Variants in NHS observed in about 807,000 individuals in gnomAD.
The protein encoded by NHS is NHS actin remodeling regulator.
NHS carries 5 observed loss-of-function variants against 72.5 expected under a neutral mutation model. The ratio of observed to expected loss-of-function variants is 0.07; its 90% CI spans 0.04 to 0.14. The LOEUF is 0.14. Among genes scored for constraint, NHS ranks in the 10% least tolerant of loss-of-function variants. The pLI is 1.00. For synonymous variants in NHS, 464 were observed against 547.7 expected (o/e 0.85, Z 2.13); for missense variants, 1,072 against 1,355.7 (o/e 0.79, Z 3.29).
At chrX:17,530,095 A>G (rs140269536) in intron 1 of NHS, among the ~76,000 whole-genome samples, 47 of 110,645 alleles carry the variant, frequency 4.2e-4, no homozygotes, top group African/African-American at 1.5e-3. Context: ...CACTGACTCC[A>G]AGTTGAAGCT....
intron 1 of NHS, among the ~76,000 whole-genome samples, chrX:17,378,477 T>C (rs2064357938): frequency 8.9e-6 from 1 of 112,248 alleles, no homozygotes; most frequent in Non-Finnish European, 1.9e-5. Context: ...TTGTTTTTGT[T>C]TGATGTCATA....
At chrX:17,410,656 CT>C (rs1213498492) in intron 1 of NHS, among the ~76,000 whole-genome samples, 1 of 108,611 alleles carries the variant, frequency 9.2e-6, no homozygotes, top group Non-Finnish European at 1.9e-5. Context: ...AAATGGCTGC[CT>C]TTGTTTAAAT....
intron 1 of NHS, among the ~76,000 whole-genome samples, chrX:17,657,983 C>T (rs1446923846): frequency 2.7e-5 from 3 of 112,649 alleles, no homozygotes; most frequent in Non-Finnish European, 3.8e-5. Context: ...TCTTCCTGGT[C>T]AGCAGGAGGG....
chrX:17,462,146 A>G (rs958931508), intron 1 of NHS, among the ~76,000 whole-genome samples: 1 of 111,626 alleles, frequency 9.0e-6, no homozygotes, highest in African/African-American at 3.3e-5. Flanking sequence ...ATTATCCACC[A>G]AGTTAGAGAG....
chrX:17,435,429 C>T (rs1017285654), intron 1 of NHS, among the ~76,000 whole-genome samples: 1 of 111,498 alleles, frequency 9.0e-6, no homozygotes, highest in Non-Finnish European at 1.9e-5. Context: ...GAAGCCACTT[C>T]CCAGGCACTC....
At chrX:17,709,374 T>A (rs755781243) in intron 3 of NHS, among the ~76,000 whole-genome samples, 31 of 111,349 alleles carry the variant, frequency 2.8e-4, no homozygotes, top group Non-Finnish European at 4.9e-4. Flanking sequence ...ATCATTGTCA[T>A]CTTGACACCC....
At chrX:17,712,270 TATATATATATATATATATATACAC>T (rs1207833225) in intron 3 of NHS, among the ~76,000 whole-genome samples, 1 of 78,772 alleles carries the variant, frequency 1.3e-5, no homozygotes, top group East Asian at 4.5e-4. Flanking sequence ...TATATATATA[TATATATATATATATATATATACAC>T]ACACACACAC....
At chrX:17,530,513 C>T (rs754573370) in intron 1 of NHS, among the ~76,000 whole-genome samples, 57 of 111,370 alleles carry the variant, frequency 5.1e-4, no homozygotes, top group Non-Finnish European at 9.0e-4. Context: ...CTAGCAGTAT[C>T]GTCTCCCCTG....
chrX:17,638,697 C>T (rs1186474070), intron 1 of NHS, among the ~76,000 whole-genome samples: 2 of 112,002 alleles, frequency 1.8e-5, no homozygotes, highest in Non-Finnish European at 3.8e-5. Context: ...ATTCTTTAAA[C>T]GATGATGAAA....
At chrX:17,419,038 A>G (rs907423062) in intron 1 of NHS, among the ~76,000 whole-genome samples, 1 of 112,584 alleles carries the variant, frequency 8.9e-6, no homozygotes, top group Admixed American at 9.4e-5. Context: ...TCTGCTGTAG[A>G]TATTCTTGTC....
intron 1 of NHS, among the ~76,000 whole-genome samples, chrX:17,447,218 G>T (rs758189085): frequency 8.9e-6 from 1 of 111,805 alleles, no homozygotes. Context: ...GCTAAGGGGT[G>T]ATGTTTCACT....
chrX:17,385,857 C>T (rs780182313), intron 1 of NHS, among the ~76,000 whole-genome samples: 2 of 112,013 alleles, frequency 1.8e-5, no homozygotes, highest in South Asian at 7.5e-4. Context: ...GTGAAATTAA[C>T]CAAGAATAAA....
At chrX:17,529,830 T>G (rs1419096946) in intron 1 of NHS, among the ~76,000 whole-genome samples, 1 of 111,215 alleles carries the variant, frequency 9.0e-6, no homozygotes, top group African/African-American at 3.3e-5. Context: ...TAGAAGGAGA[T>G]TTCGTGTTTA....
chrX:17,543,646 T>C (rs2065275805), intron 1 of NHS, among the ~76,000 whole-genome samples: 1 of 112,025 alleles, frequency 8.9e-6, no homozygotes, highest in African/African-American at 3.3e-5. Flanking sequence ...TTGTTTTTTT[T>C]GTTTTGTTTT....
At chrX:17,433,178 C>T (rs1176316006) in intron 1 of NHS, among the ~76,000 whole-genome samples, 3 of 104,357 alleles carry the variant, frequency 2.9e-5, no homozygotes, top group Non-Finnish European at 3.9e-5. Context: ...TACAGGCGCC[C>T]GCCACCACGC....
chrX:17,488,064 C>A (rs974784477), intron 1 of NHS, among the ~76,000 whole-genome samples: 3 of 111,372 alleles, frequency 2.7e-5, no homozygotes, highest in Non-Finnish European at 5.7e-5. Context: ...ACCTGCCTGC[C>A]TTTTCCTCCC....
At chrX:17,702,538 T>C (rs2147123002) in intron 3 of NHS, among the ~76,000 whole-genome samples, 1 of 109,919 alleles carries the variant, frequency 9.1e-6, no homozygotes, top group South Asian at 4.0e-4. Flanking sequence ...AATACAAAAT[T>C]AGCCAGGTGT....
chrX:17,627,431 T>C (rs2065803150), intron 1 of NHS, among the ~76,000 whole-genome samples: 1 of 112,445 alleles, frequency 8.9e-6, no homozygotes, highest in African/African-American at 3.2e-5. Context: ...CACACAATAC[T>C]ACTGGCTAGG....
chrX:17,429,257 T>TGTGTGTGCGC (rs1460333806), intron 1 of NHS, among the ~76,000 whole-genome samples: 57 of 106,527 alleles, frequency 5.4e-4, no homozygotes, highest in African/African-American at 1.6e-3. Flanking sequence ...TGTGTGTGTG[T>TGTGTGTGCGC]GCACACGTGC....
Sources: gnomAD v4.1 joint callset for allele counts (sites outside exome capture counted in the v4.1 genomes callset) on GRCh38, gnomAD v4.1.1 for gene constraint, MANE v1.5 for transcripts, NCBI Gene and HGNC (gene_info 2026-07-23, HGNC 2026-07-21) for gene names.